SESTD1: variants seen among roughly 807,000 people sequenced by gnomAD.
SESTD1 encodes SEC14 domain and spectrin repeat-containing protein 1.
SESTD1 carries 43 observed loss-of-function variants against 101.7 expected under a neutral mutation model. That is an observed-to-expected ratio of 0.42 (90% CI 0.33 to 0.55). The LOEUF (loss-of-function observed/expected upper bound fraction) is 0.55. Ranked by LOEUF, SESTD1 falls within the 20% of genes least tolerant of loss-of-function variation. The pLI, the probability that SESTD1 is intolerant of heterozygous loss-of-function variation, is 0.07. For synonymous variants in SESTD1, 283 were observed against 286.8 expected (o/e 0.99, Z 0.13); for missense variants, 647 against 815.1 (o/e 0.79, Z 2.51).
At chr2:179,256,795 G>C (rs2047400173) in intron 1 of SESTD1, among the ~76,000 whole-genome samples, 1 of 139,918 alleles carries the variant, frequency 7.1e-6, no homozygotes, top group Non-Finnish European at 1.5e-5. Context: ...CTAGGCGACA[G>C]AGCGAGACTC....
intron 3 of SESTD1, among the ~76,000 whole-genome samples, chr2:179,177,782 G>C (rs1444942876): frequency 6.6e-6 from 1 of 152,194 alleles, no homozygotes; most frequent in Non-Finnish European, 1.5e-5. Context: ...TAGCTGAAGA[G>C]TAGAAACAAT....
chr2:179,143,532 C>A, intron 9 of SESTD1, 60 bp downstream of exon 9: 1 of 1,464,716 alleles, frequency 6.8e-7, no homozygotes, highest in South Asian at 1.2e-5. Context: ...AATAGTCAGT[C>A]ACATAGTAGA....
At chr2:179,260,875 AT>A (rs2047472829) in intron 1 of SESTD1, among the ~76,000 whole-genome samples, 1 of 152,232 alleles carries the variant, frequency 6.6e-6, no homozygotes, top group Admixed American at 6.5e-5. Flanking sequence ...GGAAATGTGT[AT>A]TTATAGATAA....
chr2:179,167,002 T>TA (rs758150864), intron 5 of SESTD1, among the ~76,000 whole-genome samples: 3 of 151,864 alleles, frequency 2.0e-5, no homozygotes, highest in Non-Finnish European at 4.4e-5. Flanking sequence ...TAACATTCAA[T>TA]AAAAAATAAC....
rs1575424897 is a variant in SESTD1 at position 179,121,837 on chromosome 2, T to G, written c.1375A>C (p.Ile459Leu). Residue 459 changes from isoleucine to leucine, a missense_variant, in exon 13 of 18, where the codon ATT becomes CTT. Coordinates refer to ENST00000428443, the MANE Select transcript of SESTD1 (RefSeq NM_178123.5). ...ASWAYGKDVT[I>L]ENKENVDHIQ... ...TGGTCCACATTTTCTTTATTTTCAA[T>G]GGTTACATCCTTTCCATAGGCCCAG... The G allele has an allele frequency of 1.2e-6, 2 of 1,608,798 alleles. No individual in the cohort carries two copies. Among genetic ancestry groups the G allele is most frequent in the African/African-American group, 2.7e-5 (2 of 74,620 alleles).
chr2:179,156,418 C>G (rs1208499432), intron 5 of SESTD1, among the ~76,000 whole-genome samples: 2 of 152,162 alleles, frequency 1.3e-5, no homozygotes, highest in African/African-American at 4.8e-5. Flanking sequence ...ACACTGTTTT[C>G]CATAGTGGCT....
intron 1 of SESTD1, among the ~76,000 whole-genome samples, chr2:179,213,811 G>A (rs1436167811): frequency 1.5e-5 from 2 of 135,626 alleles, no homozygotes; most frequent in Admixed American, 7.2e-5. Flanking sequence ...CCAGAAAAGA[G>A]TGGGGGACAA....
chr2:179,193,295 T>C (rs894605072), intron 1 of SESTD1, among the ~76,000 whole-genome samples: 10 of 152,228 alleles, frequency 6.6e-5, no homozygotes, highest in Non-Finnish European at 1.3e-4. Context: ...AGAAAACAAG[T>C]TGTCCATCTA....
chr2:179,229,486 G>A (rs1035290025), intron 1 of SESTD1, among the ~76,000 whole-genome samples: 3 of 151,772 alleles, frequency 2.0e-5, no homozygotes, highest in South Asian at 2.1e-4. Context: ...CTCAGCCTCC[G>A]TGATTACATG....
intron 3 of SESTD1, among the ~76,000 whole-genome samples, chr2:179,178,092 G>A (rs2046043035): frequency 6.6e-6 from 1 of 152,170 alleles, no homozygotes; most frequent in African/African-American, 2.4e-5. Flanking sequence ...ATTTTGGGCT[G>A]ATAAAAATGT....
At chr2:179,212,654 G>A (rs1014922438) in intron 1 of SESTD1, among the ~76,000 whole-genome samples, 1 of 135,654 alleles carries the variant, frequency 7.4e-6, no homozygotes, top group Admixed American at 7.1e-5. Flanking sequence ...CCAACATGGC[G>A]TTTGAGCTCT....
At chr2:179,240,383 A>T (rs1043051714) in intron 1 of SESTD1, among the ~76,000 whole-genome samples, 2 of 152,194 alleles carry the variant, frequency 1.3e-5, no homozygotes, top group Non-Finnish European at 2.9e-5. Context: ...TACAAATAAA[A>T]GTGCTACACA....
chr2:179,144,973 T>C (rs1010318206), intron 8 of SESTD1, among the ~76,000 whole-genome samples: 3 of 152,092 alleles, frequency 2.0e-5, no homozygotes, highest in Non-Finnish European at 2.9e-5. Context: ...GCTAAATATA[T>C]AATAATTCAG....
At chr2:179,213,539 T>A (rs1250396883) in intron 1 of SESTD1, among the ~76,000 whole-genome samples, 1 of 134,172 alleles carries the variant, frequency 7.5e-6, no homozygotes, top group African/African-American at 3.0e-5. Flanking sequence ...TACCTGAAAG[T>A]GAGAAGGAGA....
chr2:179,143,683 G>C lies in SESTD1; in HGVS notation c.758C>G (p.Ser253Ter). ...GTAGCGGGTATATTGCTCTCGGAGT[G>C]AATCTAATAATTTCATAACCTGTGG... ...AQPQVMKLLD[S>*]LREQYTRYQE... Residue 253 changes from serine (S) to a stop codon, truncating the protein, a stop_gained, in exon 9 of 18, where the codon TCA becomes TGA. Coordinates refer to ENST00000428443, the MANE Select transcript of SESTD1 (RefSeq NM_178123.5). LOFTEE classifies it high-confidence loss of function. 1 of 1,613,934 alleles carries C rather than the reference G, an allele frequency of 6.2e-7. No individual in the cohort carries two copies. The highest frequency in any genetic ancestry group is 8.5e-7 in the Non-Finnish European group (1 of 1,179,908).
chr2:179,169,306 C>G (rs922127658), intron 5 of SESTD1, among the ~76,000 whole-genome samples: 4 of 151,946 alleles, frequency 2.6e-5, no homozygotes, highest in Admixed American at 1.3e-4. Context: ...ATATTAATAT[C>G]AGACAATGTA....
Position 179,212,779 on chromosome 2 carries a change from C to T in SESTD1, c.-25-20913G>A, listed in dbSNP as rs906013211. On this transcript the variant is annotated intron_variant, in intron 1 of 17. Transcript: ENST00000428443. ...TGTACAGGTGGGTGCTCCTCTGGGA[C>T]GAAGCTTCCGGAGGAAGGATCAGGC... Among the ~76,000 whole-genome samples, 5 of 134,712 alleles carry T rather than the reference C, an allele frequency of 3.7e-5. 2 individuals carry two copies. The highest frequency in any genetic ancestry group is 2.9e-4 in the Admixed American group (4 of 13,908). The allele number at this position is 134,712 out of a possible 152,430, so 88.4% of individuals were successfully genotyped here. A position where few individuals can be genotyped will look rare whatever the true frequency, so the allele number is the denominator to read the frequency against.
chr2:179,117,554 T>G lies in SESTD1; in HGVS notation c.1502A>C (p.Lys501Thr). 2 of 1,581,946 alleles carry G rather than the reference T, an allele frequency of 1.3e-6. No individual in the cohort carries two copies. Among genetic ancestry groups the G allele is most frequent in the Non-Finnish European group, 1.7e-6 (2 of 1,168,690 alleles). Residue 501 changes from lysine to threonine, a missense_variant, in exon 14 of 18, where the codon AAA becomes ACA. Transcript: ENST00000428443. ...TACCTGGGCAGCATCTTCTTCACAT[T>G]TAAACAACTGCACCATCTGAAGCAT... ...LKMLQMVQLFKCEEDAAQAVE... is the reference protein window; with the variant it reads ...LKMLQMVQLFTCEEDAAQAVE...
chr2:179,151,463 A>G, intron 5 of SESTD1, 72 bp from the exon 6 acceptor site: 1 of 980,560 alleles, frequency 1.0e-6, no homozygotes, highest in Non-Finnish European at 1.5e-6. Flanking sequence ...ACCAGGAGGT[A>G]AAATTAGGTT....
Sources: gnomAD v4.1 joint callset for allele counts (sites outside exome capture counted in the v4.1 genomes callset) on GRCh38, gnomAD v4.1.1 for gene constraint, MANE v1.5 for transcripts, NCBI Gene and HGNC (gene_info 2026-07-23, HGNC 2026-07-21) for gene names.